Variants in THOC2 observed in about 807,000 individuals in gnomAD.
THOC2 encodes THO complex 2.
Under a neutral mutation model 128.4 loss-of-function variants are expected in THOC2, and 10 were observed. That is an observed-to-expected ratio of 0.08 (90% CI 0.05 to 0.13). The LOEUF (loss-of-function observed/expected upper bound fraction) is 0.13, where lower values mean the gene tolerates loss of function less well. Ranked by LOEUF, THOC2 falls within the 10% of genes least tolerant of loss-of-function variation. THOC2 has a pLI of 1.00. For synonymous variants in THOC2, 393 were observed against 396.9 expected, an observed-to-expected ratio of 0.99 and a Z score of 0.12; for missense variants, 535 against 1,155.7, an observed-to-expected ratio of 0.46 and a Z score of 7.79.
At chrX:123,669,610 C>T (rs2049185797) in intron 9 of THOC2, among the ~76,000 whole-genome samples, 1 of 111,753 alleles carries the variant, frequency 8.9e-6, no homozygotes, top group Non-Finnish European at 1.9e-5. Context: ...GCCACTGCGC[C>T]CGGCCATAGG....
At chrX:123,718,262 CTT>C (rs1447836890) in intron 1 of THOC2, among the ~76,000 whole-genome samples, 2 of 111,996 alleles carry the variant, frequency 1.8e-5, no homozygotes, top group Admixed American at 9.5e-5. Flanking sequence ...AAACTGGACA[CTT>C]ACTTCACACC....
At chrX:123,629,206 A>AACGAAC (rs1556020404) in intron 22 of THOC2, among the ~76,000 whole-genome samples, 1 of 81,962 alleles carries the variant, frequency 1.2e-5, no homozygotes, top group African/African-American at 4.5e-5. Context: ...ATTATACATG[A>AACGAAC]ACACACACAC....
rs2050516520 is a variant in THOC2 at position 123,698,053 on chromosome X, TCAAA to T, written c.275-306_275-303del. ...CTATTGTTCGCAAAAAATGAAACAT[TCAAA>T]CAAAGTTTAAATGACCACTTGTCAG... On this transcript the variant is annotated intron_variant, in intron 4 of 38. Coordinates refer to ENST00000245838, the MANE Select transcript of THOC2 (RefSeq NM_001081550.2). Among the ~76,000 whole-genome samples the T allele has an allele frequency of 2.8e-5, 3 of 107,320 alleles. No individual in the cohort carries two copies. The South Asian group carries it at 1.2e-3, about 43-fold the overall frequency. The allele number at this position is 107,320 out of a possible 115,157, so 93.2% of individuals were successfully genotyped here.
chrX:123,676,448 G>A (rs1224566951), intron 8 of THOC2, among the ~76,000 whole-genome samples: 2 of 111,961 alleles, frequency 1.8e-5, no homozygotes, highest in African/African-American at 3.2e-5. Context: ...AATTTAAAAT[G>A]CCACAGCACT....
intron 12 of THOC2, among the ~76,000 whole-genome samples, chrX:123,653,379 CT>C (rs2048438383): frequency 8.9e-6 from 1 of 111,968 alleles, no homozygotes; most frequent in Admixed American, 9.5e-5. Context: ...GACTTCATGA[CT>C]AAAACACCAA....
At chrX:123,688,704 A>G (rs2050105441) in intron 7 of THOC2, among the ~76,000 whole-genome samples, 1 of 111,056 alleles carries the variant, frequency 9.0e-6, no homozygotes, top group Admixed American at 9.7e-5. Flanking sequence ...AATGGGAGAA[A>G]TGTGCACTAT....
At chrX:123,665,062 AATAATCTC>A (rs1479316754) in intron 12 of THOC2, among the ~76,000 whole-genome samples, 1 of 111,407 alleles carries the variant, frequency 9.0e-6, no homozygotes, top group Non-Finnish European at 1.9e-5. Flanking sequence ...GGACTTGACT[AATAATCTC>A]GCTAGATTTG....
intron 22 of THOC2, among the ~76,000 whole-genome samples, 156 bp from the exon 23 acceptor site, chrX:123,628,124 GTTTAT>G (rs1449483092): frequency 8.9e-6 from 1 of 111,755 alleles, no homozygotes; most frequent in African/African-American, 3.3e-5. Flanking sequence ...TATGAACAAC[GTTTAT>G]TTTAAGATAA....
At position 123,613,479 on chromosome X, in the gene THOC2, A is replaced by G. The variant is rs889799121; in HGVS notation, c.4597T>C (p.Ser1533Pro). 3.3e-6 allele frequency: 4 copies of G among 1,207,623 alleles called. No homozygotes were observed. Among genetic ancestry groups the G allele is most frequent in the Non-Finnish European group, 4.5e-6 (4 of 893,728 alleles). ...CCTTTTTCTTTGCCTGAAGATTTTGACTTATTTTTTTCCTTGTCTTTCTCA... is the reference window on the plus strand; with the variant it reads ...CCTTTTTCTTTGCCTGAAGATTTTGGCTTATTTTTTTCCTTGTCTTTCTCA... ...PNEKDKEKNK[S>P]KSSGKEKGSD... The change falls in exon 36 of 39, where the codon TCA (serine) becomes CCA (proline). Residue 1533 changes from serine to proline, a missense_variant. Physicochemically the swap from Ser to Pro is moderately conservative, Grantham distance 74. This residue lies in a region of THOC2 where 39 missense variants were observed against 93.1 expected (regional missense o/e 0.42). Transcript: ENST00000245838.
At chrX:123,606,507 T>A (rs2147514764) in intron 38 of THOC2, among the ~76,000 whole-genome samples, 1 of 111,246 alleles carries the variant, frequency 9.0e-6, no homozygotes, top group Non-Finnish European at 1.9e-5. Context: ...GGCATGAGAA[T>A]CGCTTGAACC....
intron 22 of THOC2, among the ~76,000 whole-genome samples, chrX:123,629,087 A>T (rs999720049): frequency 3.7e-5 from 4 of 109,116 alleles, no homozygotes; most frequent in African/African-American, 1.3e-4. Flanking sequence ...GAGGGGCTGC[A>T]GAGATGTGTA....
chrX:123,613,473 A>G lies in THOC2; in HGVS notation c.4603T>C (p.Ser1535Pro). 8.3e-7 allele frequency: 1 copy of G among 1,208,612 alleles called. No individual in the cohort carries two copies. The highest frequency in any genetic ancestry group is 1.1e-6 in the Non-Finnish European group (1 of 893,390). ...TCACTGCCTTTTTCTTTGCCTGAAGATTTTGACTTATTTTTTTCCTTGTCT... is the reference window on the plus strand; with the variant it reads ...TCACTGCCTTTTTCTTTGCCTGAAGGTTTTGACTTATTTTTTTCCTTGTCT... Reference protein sequence around the residue: ...EKDKEKNKSKSSGKEKGSDSF... With the variant: ...EKDKEKNKSKPSGKEKGSDSF... The change falls in exon 36 of 39, where the codon TCT becomes CCT. Residue 1535 changes from serine (S) to proline (P), a missense_variant. Physicochemically the swap from Ser to Pro is moderately conservative, Grantham distance 74. Coordinates refer to ENST00000245838, the MANE Select transcript of THOC2 (RefSeq NM_001081550.2).
chrX:123,700,524 G>A (rs1381379161), intron 4 of THOC2, among the ~76,000 whole-genome samples: 8 of 74,109 alleles, frequency 1.1e-4, no homozygotes, highest in Non-Finnish European at 2.0e-4. Flanking sequence ...GGGGGCGGCG[G>A]GGGGGAGGTG....
intron 1 of THOC2, among the ~76,000 whole-genome samples, chrX:123,725,979 A>G (rs1395166530): frequency 9.0e-6 from 1 of 111,492 alleles, no homozygotes; most frequent in African/African-American, 3.3e-5. Context: ...GAGGCCGAGG[A>G]GGGCAGATTA....
chrX:123,728,144 T>C (rs2052076369), intron 1 of THOC2, among the ~76,000 whole-genome samples: 1 of 111,842 alleles, frequency 8.9e-6, no homozygotes, highest in Admixed American at 9.6e-5. Flanking sequence ...CTATTATCAT[T>C]TGTAGAACAG....
chrX:123,648,730 G>A (rs961548109), intron 12 of THOC2, among the ~76,000 whole-genome samples: 3 of 111,885 alleles, frequency 2.7e-5, no homozygotes, highest in Admixed American at 9.5e-5. Context: ...CCACTGCAGC[G>A]TCACAAAGCT....
chrX:123,629,206 AACACACACACACACACACAC>A (rs754562050), intron 22 of THOC2, among the ~76,000 whole-genome samples: 2 of 81,959 alleles, frequency 2.4e-5, no homozygotes, highest in Non-Finnish European at 4.7e-5. Flanking sequence ...ATTATACATG[AACACACACACACACACACAC>A]ACACACACAC....
rs765605886 is a variant in THOC2, at chrX:123,624,686, T to A, written c.3058-17A>T. On this transcript the variant is annotated splice_polypyrimidine_tract_variant and intron_variant, in intron 25 of 38. Coordinates refer to ENST00000245838, the MANE Select transcript of THOC2 (RefSeq NM_001081550.2). ...AGAGAAAACCTACAGGAGAAAAATG[T>A]TTAAAAAATATAAACAAATCAAGGT... The A allele has an allele frequency of 1.3e-5, 15 of 1,185,312 alleles. No homozygotes were observed. In the Admixed American group the frequency reaches 3.2e-4, roughly 25 times the overall value.
intron 12 of THOC2, among the ~76,000 whole-genome samples, chrX:123,648,537 G>A (rs779849584): frequency 1.1e-4 from 12 of 112,142 alleles, no homozygotes; most frequent in Non-Finnish European, 1.1e-4. Flanking sequence ...CCACCCCCAC[G>A]GAGCCCGGCA....
Sources: gnomAD v4.1 joint callset for allele counts (sites outside exome capture counted in the v4.1 genomes callset) on GRCh38, gnomAD v4.1.1 for gene constraint, gnomAD v4.1.1 regional missense constraint, MANE v1.5 for transcripts, NCBI Gene and HGNC (gene_info 2026-07-23, HGNC 2026-07-21) for gene names.